Variants in PDXDC1 observed in about 807,000 individuals in gnomAD.
PDXDC1 encodes the protein pyridoxal dependent decarboxylase domain containing 1, also known as pyridoxal-dependent decarboxylase domain-containing protein 1.
A neutral mutation model predicts 100.1 loss-of-function variants in PDXDC1; 42 were observed. The observed-to-expected ratio is 0.42, with a 90% confidence interval of 0.33 to 0.54. PDXDC1 has a LOEUF of 0.54. Ranked by LOEUF, PDXDC1 falls within the 20% of genes least tolerant of loss-of-function variation. The pLI is 0.10. For synonymous variants in PDXDC1, 260 were observed against 371.7 expected (o/e 0.70, Z 3.46); for missense variants, 636 against 979.2 (o/e 0.65, Z 4.68).
intron 1 of PDXDC1, among the ~76,000 whole-genome samples, chr16:14,977,115 C>T (rs1371435983): frequency 1.3e-5 from 2 of 152,274 alleles, no homozygotes; most frequent in Non-Finnish European, 1.5e-5. Context: ...CAATGAGGAT[C>T]GCAAGAGGGA....
intron 16 of PDXDC1, among the ~76,000 whole-genome samples, chr16:15,064,328 C>T (rs892991084): frequency 6.6e-6 from 1 of 152,090 alleles, no homozygotes; most frequent in African/African-American, 2.4e-5. Context: ...GGCGCCACCA[C>T]CACACCCAGC....
chr16:15,129,548 C>T (rs977535524), intron 16 of PDXDC1, among the ~76,000 whole-genome samples: 12 of 152,234 alleles, frequency 7.9e-5, no homozygotes, highest in African/African-American at 1.9e-4. Flanking sequence ...GCGCCTCCGT[C>T]TGAGAGACGA....
At chr16:15,032,695 T>C (rs921085561) in intron 17 of PDXDC1, 166 bp from the exon 18 acceptor site, 1 of 517,066 alleles carries the variant, frequency 1.9e-6, no homozygotes, top group Non-Finnish European at 3.5e-6. Flanking sequence ...TTCTCTTTAC[T>C]CCTGGCACAC....
chr16:15,128,386 G>C (rs988382567), intron 16 of PDXDC1: 2 of 1,562,620 alleles, frequency 1.3e-6, no homozygotes, highest in African/African-American at 1.4e-5. Context: ...GTGGGCCGTG[G>C]TACCTGGAGG....
intron 16 of PDXDC1, among the ~76,000 whole-genome samples, chr16:15,064,703 C>A (rs1199242612): frequency 6.6e-6 from 1 of 152,234 alleles, no homozygotes; most frequent in Non-Finnish European, 1.5e-5. Context: ...GATCTACCCA[C>A]TCTGGGGTGC....
At chr16:15,080,053 G>A in intron 16 of PDXDC1, 2 of 1,602,748 alleles carry the variant, frequency 1.2e-6, no homozygotes, top group Non-Finnish European at 1.7e-6. Context: ...CCTCAAGGTT[G>A]GAAAATATAC....
intron 13 of PDXDC1, chr16:15,026,082 T>G (rs2042576282): frequency 1.3e-5 from 2 of 153,548 alleles, no homozygotes; most frequent in Admixed American, 1.3e-4. Context: ...AAGTACTTGT[T>G]GCCCCCTCTT....
chr16:15,080,113 A>G, intron 16 of PDXDC1: 1 of 1,587,706 alleles, frequency 6.3e-7, no homozygotes, highest in Non-Finnish European at 8.6e-7. Context: ...GAGAAAATGT[A>G]AGATAAAACA....
At chr16:15,097,468 CA>C (rs71152407) in intron 16 of PDXDC1, among the ~76,000 whole-genome samples, 702 of 65,832 alleles carry the variant, frequency 0.011, 5 homozygotes, top group African/African-American at 0.04. Flanking sequence ...ACTAAAAATA[CA>C]AAAAAAAAAA....
At chr16:15,082,395 G>A (rs1040294359) in intron 16 of PDXDC1, among the ~76,000 whole-genome samples, 6 of 151,984 alleles carry the variant, frequency 3.9e-5, no homozygotes, top group South Asian at 2.1e-4. Flanking sequence ...AATCTCGGCC[G>A]GTCACGGTGG....
chr16:14,993,545 A>G (rs1971326422), intron 1 of PDXDC1, among the ~76,000 whole-genome samples: 2 of 152,286 alleles, frequency 1.3e-5, no homozygotes, highest in Non-Finnish European at 1.5e-5. Flanking sequence ...TCTATCATTG[A>G]TGGACATTTG....
chr16:14,988,041 A>G (rs1156304325), intron 1 of PDXDC1, among the ~76,000 whole-genome samples: 3 of 149,606 alleles, frequency 2.0e-5, no homozygotes, highest in African/African-American at 7.4e-5. Flanking sequence ...TTGAGTGGAA[A>G]GCTTACAAAA....
intron 16 of PDXDC1, among the ~76,000 whole-genome samples, chr16:15,054,466 G>C (rs1211508898): frequency 6.6e-6 from 1 of 152,122 alleles, no homozygotes; most frequent in African/African-American, 2.4e-5. Context: ...AATTCTTCAG[G>C]CGGCTGAAAT....
chr16:15,131,223 C>T lies in PDXDC1; in HGVS notation c.1400-7656C>T, dbSNP rs2048040120. On this transcript the variant is annotated intron_variant, in intron 16 of 16. Coordinates refer to the PDXDC1 transcript ENST00000535621. ...CAGAGCTGCGGTGGCCCCGGGCAGC[C>T]CAGTCCGAGTTGTTGGGCACCTTCA... 6.3e-6 allele frequency: 10 copies of T among 1,591,572 alleles called. No homozygotes were observed. The South Asian group carries it at 8.8e-5, about 14-fold the overall frequency.
intron 16 of PDXDC1, among the ~76,000 whole-genome samples, chr16:15,079,003 A>T (rs1235980726): frequency 2.0e-5 from 3 of 151,796 alleles, no homozygotes; most frequent in Non-Finnish European, 2.9e-5. Context: ...AGTGAGACAG[A>T]GTTTCACCAT....
At chr16:15,026,314 G>A (rs1173793936) in intron 13 of PDXDC1, 1 of 404,992 alleles carries the variant, frequency 2.5e-6, no homozygotes, top group Non-Finnish European at 4.2e-6. Flanking sequence ...TCCGCACTGA[G>A]TCTAGTTTCA....
chr16:15,111,942 A>ACCC (rs1390427997), intron 16 of PDXDC1, among the ~76,000 whole-genome samples: 2 of 147,730 alleles, frequency 1.4e-5, no homozygotes, highest in Non-Finnish European at 3.0e-5. Context: ...GTAACATTTC[A>ACCC]CCCCCTGCTC....
chr16:15,044,341 T>C (rs770619371), intron 16 of PDXDC1: 2 of 1,607,948 alleles, frequency 1.2e-6, no homozygotes, highest in South Asian at 1.1e-5. Flanking sequence ...TACTAAGAAG[T>C]TGATGAGTGA....
At chr16:15,017,632 T>C (rs1281716022) in intron 11 of PDXDC1, among the ~76,000 whole-genome samples, 1 of 152,294 alleles carries the variant, frequency 6.6e-6, no homozygotes, top group Non-Finnish European at 1.5e-5. Flanking sequence ...TCTCCATTTA[T>C]GAACTTATAG....
Sources: allele counts gnomAD v4.1 joint callset (sites outside exome capture counted in the v4.1 genomes callset), GRCh38; gene constraint gnomAD v4.1.1; transcripts MANE v1.5; gene names NCBI Gene and HGNC (gene_info 2026-07-23, HGNC 2026-07-21).